ST7L: variants seen among roughly 807,000 people sequenced by gnomAD.
The protein encoded by ST7L is suppression of tumorigenicity 7 like.
ST7L carries 57 observed loss-of-function variants against 72.5 expected under a neutral mutation model. That is an observed-to-expected ratio of 0.79 (90% confidence interval 0.64 to 0.98). ST7L has a LOEUF of 0.98. Ranked by LOEUF, ST7L falls within the 50% of genes least tolerant of loss-of-function variation. The pLI is 0.00. For synonymous variants in ST7L, 221 were observed against 240.9 expected, an observed-to-expected ratio of 0.92 and a Z score of 0.77; for missense variants, 576 against 672.2, an observed-to-expected ratio of 0.86 and a Z score of 1.58.
intron 11 of ST7L, among the ~76,000 whole-genome samples, chr1:112,574,954 C>T (rs539471527): frequency 2.0e-5 from 3 of 151,934 alleles, no homozygotes; most frequent in Admixed American, 6.6e-5. Flanking sequence ...AAAAAGTTTA[C>T]AAGGCTGGGC....
chr1:112,607,144 T>C (rs1285804348), intron 3 of ST7L: 1 of 152,170 alleles, frequency 6.6e-6, no homozygotes, highest in Admixed American at 6.5e-5. Flanking sequence ...TTTCTTAGTC[T>C]AAAAAGTTTG....
At chr1:112,540,015 T>C in intron 14 of ST7L, 24 of 985,414 alleles carry the variant, frequency 2.4e-5, no homozygotes, top group Non-Finnish European at 2.9e-5. Context: ...TAATTATTCA[T>C]TCTCAGTCTC....
chr1:112,579,210 C>T (rs1663665716), intron 9 of ST7L, among the ~76,000 whole-genome samples: 2 of 151,822 alleles, frequency 1.3e-5, no homozygotes, highest in African/African-American at 4.8e-5. Context: ...TAGTGAAACC[C>T]TGTCTCTACT....
intron 6 of ST7L, among the ~76,000 whole-genome samples, chr1:112,586,538 A>T (rs1664892556): frequency 6.6e-6 from 1 of 152,184 alleles, no homozygotes. Context: ...AACAGTTTTT[A>T]AAAGACCTAG....
intron 14 of ST7L, among the ~76,000 whole-genome samples, chr1:112,530,743 A>G (rs1366710326): frequency 6.6e-6 from 1 of 152,164 alleles, no homozygotes; most frequent in Non-Finnish European, 1.5e-5. Flanking sequence ...CATATATCCC[A>G]AAGTCATATC....
Position 112,526,048 on chromosome 1 carries a change from A to C in ST7L, c.1693T>G (p.Leu565Val), listed in dbSNP as rs753101079. Residue 565 changes from leucine to valine, a missense_variant, in exon 15 of 15, where the codon TTG (leucine) becomes GTG (valine). Leu to Val is a conservative substitution (Grantham distance 32). Transcript: ENST00000358039. ...SSGFEENTQD[L>V]KSEDLGLSSG Reference sequence around the variant, plus strand: ...CTCAAACCTAGGTCTTCTGACTTCAAATCCTGTGTATTCTCCTCAAAGCCT... The same window carrying C: ...CTCAAACCTAGGTCTTCTGACTTCACATCCTGTGTATTCTCCTCAAAGCCT... 2 of 1,614,110 alleles carry C rather than the reference A, an allele frequency of 1.2e-6. No individual in the cohort carries two copies. Among genetic ancestry groups the C allele is most frequent in the African/African-American group, 2.7e-5 (2 of 74,998 alleles).
At chr1:112,583,773 C>T (rs1664463549) in intron 7 of ST7L, among the ~76,000 whole-genome samples, 199 bp downstream of exon 7, 1 of 152,248 alleles carries the variant, frequency 6.6e-6, no homozygotes, top group South Asian at 2.1e-4. Flanking sequence ...CTGAGCAGAT[C>T]TATTCCCTTC....
chr1:112,587,725 G>T (rs1665076758), intron 6 of ST7L, among the ~76,000 whole-genome samples: 1 of 152,174 alleles, frequency 6.6e-6, no homozygotes, highest in Non-Finnish European at 1.5e-5. Flanking sequence ...TAGCTTTGCG[G>T]TAAGTTTTTA....
At chr1:112,535,756 A>G (rs918953869) in intron 14 of ST7L, among the ~76,000 whole-genome samples, 1 of 151,686 alleles carries the variant, frequency 6.6e-6, no homozygotes, top group African/African-American at 2.4e-5. Flanking sequence ...CCTAACTTTT[A>G]TTATTTTCTT....
chr1:112,581,733 A>G (rs1664155515), intron 9 of ST7L, among the ~76,000 whole-genome samples: 2 of 152,144 alleles, frequency 1.3e-5, no homozygotes, highest in Non-Finnish European at 2.9e-5. Flanking sequence ...GTTCACTGTC[A>G]TATTCTGAAT....
intron 14 of ST7L, chr1:112,540,623 G>T: frequency 1.0e-6 from 1 of 985,394 alleles, no homozygotes; most frequent in Non-Finnish European, 1.2e-6. Context: ...TTGACCTTCA[G>T]GGAAAAAGGG....
intron 14 of ST7L, chr1:112,540,732 C>A: frequency 8.2e-7 from 1 of 1,224,448 alleles, no homozygotes; most frequent in Admixed American, 3.4e-5. Flanking sequence ...TGTGAGGAAA[C>A]AAGTTAGAAT....
intron 13 of ST7L, among the ~76,000 whole-genome samples, chr1:112,549,561 ATT>A (rs1657756947): frequency 6.6e-6 from 1 of 151,952 alleles, no homozygotes; most frequent in South Asian, 2.1e-4. Flanking sequence ...TATGATTGCT[ATT>A]GTTTTCTAAA....
rs1656179738 is a variant in ST7L, at chr1:112,542,010, C to G, written c.1570G>C (p.Ala524Pro). ...HFTAGFCSSTAMIAILTHQFP... is the reference protein window; with the variant it reads ...HFTAGFCSSTPMIAILTHQFP... ...TGGTGAGTGAGAATGGCTATCATTG[C>G]TGTAGAAGAGCAAAATCCTGCTGTG... The change falls in exon 14 of 15, where the codon GCA becomes CCA. Residue 524 changes from alanine to proline, a missense_variant. Ala to Pro is a conservative substitution (Grantham distance 27). This residue lies in a region of ST7L where 511 missense variants were observed against 600.7 expected (regional missense o/e 0.85). Coordinates refer to ENST00000358039, the MANE Select transcript of ST7L (RefSeq NM_017744.5). 1 of 1,613,772 alleles carries G rather than the reference C, an allele frequency of 6.2e-7. No individual in the cohort carries two copies. Among genetic ancestry groups the G allele is most frequent in the Non-Finnish European group, 8.5e-7 (1 of 1,179,962 alleles).
intron 11 of ST7L, among the ~76,000 whole-genome samples, chr1:112,571,052 C>T: frequency 6.6e-6 from 1 of 152,122 alleles, no homozygotes. Context: ...TGCCTGCGGT[C>T]CCAGCCACTT....
intron 11 of ST7L, among the ~76,000 whole-genome samples, chr1:112,569,452 C>T (rs900389394): frequency 2.0e-5 from 3 of 152,098 alleles, no homozygotes; most frequent in Non-Finnish European, 2.9e-5. Context: ...CACTATTATA[C>T]GATTCAATTC....
intron 12 of ST7L, among the ~76,000 whole-genome samples, chr1:112,553,259 C>CACACAT (rs1557968214): frequency 6.7e-6 from 1 of 149,242 alleles, no homozygotes; most frequent in East Asian, 2.0e-4. Context: ...CACACACACA[C>CACACAT]ATATTAGAGA....
upstream of ST7L, chr1:112,619,264 AG>A: frequency 1.4e-6 from 1 of 711,462 alleles, no homozygotes; most frequent in Non-Finnish European, 2.3e-6. Context: ...AAGGTGGAGG[AG>A]CGTGTCTCAA....
intron 11 of ST7L, among the ~76,000 whole-genome samples, chr1:112,572,761 T>C (rs1040227390): frequency 6.6e-5 from 10 of 152,134 alleles, no homozygotes; most frequent in African/African-American, 2.4e-4. Flanking sequence ...AAAATGTTGC[T>C]ATAGTATGCA....
Sources: gnomAD v4.1 joint callset for allele counts (sites outside exome capture counted in the v4.1 genomes callset) on GRCh38, gnomAD v4.1.1 for gene constraint, gnomAD v4.1.1 regional missense constraint, MANE v1.5 for transcripts, NCBI Gene and HGNC (gene_info 2026-07-23, HGNC 2026-07-21) for gene names.